The following RSRC1 variants were observed in gnomAD, a reference collection of about 807,000 sequenced individuals.
RSRC1 encodes the protein arginine and serine rich coiled-coil 1.
Under a neutral mutation model 49.1 loss-of-function variants are expected in RSRC1, and 39 were observed. The ratio of observed to expected loss-of-function variants is 0.79; its 90% CI spans 0.61 to 1.04. The LOEUF is 1.04. RSRC1 is among the 50% of genes least tolerant of loss of function. The pLI, the probability that RSRC1 is intolerant of heterozygous loss-of-function variation, is 0.00. For synonymous variants in RSRC1, 143 were observed against 130.8 expected (o/e 1.09, Z -0.63); for missense variants, 388 against 402.4 (o/e 0.96, Z 0.31).
At chr3:158,273,390 A>G (rs2108059614) in intron 4 of RSRC1, among the ~76,000 whole-genome samples, 1 of 152,210 alleles carries the variant, frequency 6.6e-6, no homozygotes, top group African/African-American at 2.4e-5. Context: ...AATAAGCTAA[A>G]TATCTTTTAT....
chr3:158,256,982 T>C (rs1232191285), intron 4 of RSRC1, among the ~76,000 whole-genome samples: 1 of 152,156 alleles, frequency 6.6e-6, no homozygotes, highest in Admixed American at 6.5e-5. Flanking sequence ...ATAGTCTTGC[T>C]AGTGGTCTGT....
In RSRC1 at chr3:158,429,714, T is replaced by C. The variant is rs929118281; in HGVS notation, c.584-31221T>C. On this transcript the variant is annotated intron_variant, in intron 6 of 9. Coordinates refer to ENST00000611884, the MANE Select transcript of RSRC1 (RefSeq NM_001271838.2). ...TATCCAACCTGAAAATGAAGGAAATTGTGCCAATCTGCCAATAACATGGAT... is the reference window on the plus strand; with the variant it reads ...TATCCAACCTGAAAATGAAGGAAATCGTGCCAATCTGCCAATAACATGGAT... 2.0e-4 allele frequency among the ~76,000 whole-genome samples: 30 copies of C among 151,028 alleles called. No homozygotes were observed. The East Asian group carries it at 4.1e-3, about 21-fold the overall frequency.
intron 4 of RSRC1, among the ~76,000 whole-genome samples, chr3:158,219,312 TC>T (rs1466531534): frequency 6.6e-6 from 1 of 151,492 alleles, no homozygotes; most frequent in Non-Finnish European, 1.5e-5. Context: ...TCTTTCATTC[TC>T]CTCCTCTTTT....
At chr3:158,514,278 A>G (rs966407905) in intron 7 of RSRC1, among the ~76,000 whole-genome samples, 25 of 152,068 alleles carry the variant, frequency 1.6e-4, no homozygotes, top group Admixed American at 1.2e-3. Flanking sequence ...CCCTCTACAC[A>G]CTGCTTTGAA....
chr3:158,121,739 T>G (rs574161762), intron 1 of RSRC1, among the ~76,000 whole-genome samples: 66 of 152,270 alleles, frequency 4.3e-4, no homozygotes, highest in African/African-American at 1.5e-3. Flanking sequence ...ACTTAAAATA[T>G]CAGATAATTG....
intron 7 of RSRC1, among the ~76,000 whole-genome samples, chr3:158,469,030 G>A (rs1738011588): frequency 1.3e-5 from 2 of 152,010 alleles, no homozygotes; most frequent in Admixed American, 1.3e-4. Flanking sequence ...CTTCTTGTGT[G>A]TCCATTTCAT....
intron 6 of RSRC1, among the ~76,000 whole-genome samples, chr3:158,401,567 G>C (rs1024569190): frequency 6.6e-6 from 1 of 151,906 alleles, no homozygotes; most frequent in African/African-American, 2.4e-5. Context: ...AATTTATATA[G>C]CCACTTCAAG....
chr3:158,267,900 A>C (rs1288095692), intron 4 of RSRC1, among the ~76,000 whole-genome samples: 1 of 120,996 alleles, frequency 8.3e-6, no homozygotes, highest in African/African-American at 3.2e-5. Flanking sequence ...CATTATAGCC[A>C]CTCTGGATTC....
chr3:158,153,478 G>A (rs551232783), intron 3 of RSRC1, among the ~76,000 whole-genome samples: 1 of 152,168 alleles, frequency 6.6e-6, no homozygotes, highest in Non-Finnish European at 1.5e-5. Context: ...TGACAATGTG[G>A]CATGGTATTG....
chr3:158,343,498 G>T (rs2108218691), intron 5 of RSRC1, among the ~76,000 whole-genome samples: 1 of 152,246 alleles, frequency 6.6e-6, no homozygotes, highest in East Asian at 1.9e-4. Context: ...AGGTGAAACT[G>T]ACCCAGAATT....
chr3:158,373,783 T>C (rs922597483), intron 6 of RSRC1, among the ~76,000 whole-genome samples: 1 of 151,974 alleles, frequency 6.6e-6, no homozygotes, highest in Non-Finnish European at 1.5e-5. Flanking sequence ...TTAGAAGCTT[T>C]TGGTTTTTTG....
intron 6 of RSRC1, among the ~76,000 whole-genome samples, chr3:158,388,741 C>T (rs1294351599): frequency 2.0e-5 from 3 of 151,982 alleles, no homozygotes; most frequent in Non-Finnish European, 4.4e-5. Flanking sequence ...TCCAGGGTAG[C>T]TTGCACTACA....
intron 7 of RSRC1, among the ~76,000 whole-genome samples, chr3:158,503,157 TTCTGGGTC>T (rs1739685379): frequency 6.6e-6 from 1 of 152,182 alleles, no homozygotes; most frequent in South Asian, 2.1e-4. Context: ...GTTGTCTCTC[TTCTGGGTC>T]TAGCCCCTCA....
chr3:158,149,503 C>T (rs767773042), intron 3 of RSRC1, among the ~76,000 whole-genome samples: 4 of 151,886 alleles, frequency 2.6e-5, no homozygotes, highest in African/African-American at 7.3e-5. Flanking sequence ...GTTGCAGATG[C>T]GATGGTCTAA....
intron 5 of RSRC1, chr3:158,302,707 G>A (rs1382886591): frequency 8.0e-6 from 1 of 125,184 alleles, no homozygotes; most frequent in African/African-American, 3.1e-5. Context: ...AGTCTCCCAG[G>A]CAGGAGAGCA....
intron 5 of RSRC1, among the ~76,000 whole-genome samples, chr3:158,312,900 G>GACTTC (rs1417363510): frequency 6.6e-6 from 1 of 152,182 alleles, no homozygotes; most frequent in East Asian, 1.9e-4. Context: ...CTTCATGAAG[G>GACTTC]ATGAAGTCCA....
chr3:158,229,180 A>G (rs1324970541), intron 4 of RSRC1, among the ~76,000 whole-genome samples: 23 of 140,258 alleles, frequency 1.6e-4, no homozygotes, highest in Admixed American at 6.5e-4. Context: ...ACATATGTGT[A>G]TGTGTAAACA....
At position 158,335,174 on chromosome 3, in the gene RSRC1, G is replaced by A. The variant is rs1293187438; in HGVS notation, c.532-19683G>A. Among the ~76,000 whole-genome samples the A allele has an allele frequency of 2.0e-5, 3 of 152,156 alleles. No individual in the cohort carries two copies. The East Asian group carries it at 5.8e-4, about 29-fold the overall frequency. On this transcript the variant is annotated intron_variant, in intron 5 of 9. Coordinates refer to ENST00000611884, the MANE Select transcript of RSRC1 (RefSeq NM_001271838.2). The stretch of plus-strand genomic sequence containing the variant: ...AAGAATAGAGAGGTGGCAGTCTGTA[G>A]CATTTTTAATAAAGATTTTGAATAT...
intron 3 of RSRC1, among the ~76,000 whole-genome samples, chr3:158,201,456 C>T (rs1721040405): frequency 6.6e-6 from 1 of 152,042 alleles, no homozygotes; most frequent in Admixed American, 6.6e-5. Flanking sequence ...CTGCTTCATC[C>T]TCTGTTTTCT....
Sources: allele counts gnomAD v4.1 joint callset (sites outside exome capture counted in the v4.1 genomes callset), GRCh38; gene constraint gnomAD v4.1.1; transcripts MANE v1.5; gene names NCBI Gene and HGNC (gene_info 2026-07-23, HGNC 2026-07-21).